SLC25A21: variants seen among roughly 807,000 people sequenced by gnomAD.
SLC25A21 encodes solute carrier family 25 member 21, also known as mitochondrial 2-oxodicarboxylate carrier.
SLC25A21 carries 47 observed loss-of-function variants against 43.8 expected under a neutral mutation model. The ratio of observed to expected loss-of-function variants is 1.07; its 90% CI spans 0.85 to 1.37. SLC25A21 has a LOEUF of 1.37. Ranked by LOEUF, SLC25A21 falls within the 40% of genes most tolerant of loss-of-function variation. SLC25A21 has a pLI of 0.00. For missense variants in SLC25A21, 352 were observed against 350.2 expected (o/e 1.00, Z -0.04); for synonymous variants, 131 against 121.3 (o/e 1.08, Z -0.52).
At position 36,789,855 on chromosome 14, in the gene SLC25A21, AT is replaced by A. The variant is rs1198374013; in HGVS notation, c.203+24062del. 4.3e-5 allele frequency among the ~76,000 whole-genome samples: 5 copies of A among 115,500 alleles called. 1 individual carries two copies. The highest frequency in any genetic ancestry group is 1.7e-4 in the African/African-American group (5 of 29,432). 75.8% of individuals were successfully genotyped at this position (115,500 alleles called of 152,430 possible). The stretch of plus-strand genomic sequence containing the variant: ...TATTTATATTTAATATATTTTATAT[AT>A]TTATATAAAAATATATTATATATTT... On this transcript the variant is annotated intron_variant, in intron 3 of 9. Coordinates refer to ENST00000331299, the MANE Select transcript of SLC25A21 (RefSeq NM_030631.4).
At chr14:37,143,021 C>A (rs747070948) in intron 1 of SLC25A21, among the ~76,000 whole-genome samples, 2 of 152,148 alleles carry the variant, frequency 1.3e-5, no homozygotes, top group East Asian at 3.9e-4. Context: ...ACAGAATAAC[C>A]ACAAACAAAA....
rs541520441 is a variant in SLC25A21, at chr14:37,133,790, G to A, written c.70+38491C>T. On this transcript the variant is annotated intron_variant, in intron 1 of 9. Coordinates refer to ENST00000331299, the MANE Select transcript of SLC25A21 (RefSeq NM_030631.4). ...TTCATGCTTCCGTTCCACTACAAGTGCTACTTCCTCTGCCTACATGTTCTT... is the reference window on the plus strand; with the variant it reads ...TTCATGCTTCCGTTCCACTACAAGTACTACTTCCTCTGCCTACATGTTCTT... Among the ~76,000 whole-genome samples, 47 of 152,210 alleles carry A rather than the reference G, an allele frequency of 3.1e-4. 1 individual carries two copies. Among genetic ancestry groups the A allele is most frequent in the African/African-American group, 1.1e-3 (44 of 41,528 alleles).
At chr14:36,852,019 T>A (rs1179719126) in intron 2 of SLC25A21, among the ~76,000 whole-genome samples, 1 of 152,202 alleles carries the variant, frequency 6.6e-6, no homozygotes, top group Non-Finnish European at 1.5e-5. Context: ...ACATTATTTT[T>A]AAAATAATAT....
chr14:36,944,229 C>T (rs775251208), intron 1 of SLC25A21, among the ~76,000 whole-genome samples: 5 of 152,052 alleles, frequency 3.3e-5, no homozygotes, highest in Admixed American at 3.3e-4. Flanking sequence ...AGCATACTGT[C>T]GGGCAAGGAC....
chr14:36,815,216 G>A (rs1289422301), intron 2 of SLC25A21, among the ~76,000 whole-genome samples: 1 of 152,134 alleles, frequency 6.6e-6, no homozygotes, highest in African/African-American at 2.4e-5. Context: ...AATAACTAAT[G>A]AATGTGGGGC....
At chr14:37,116,541 A>T (rs980434178) in intron 1 of SLC25A21, among the ~76,000 whole-genome samples, 16 of 152,178 alleles carry the variant, frequency 1.1e-4, no homozygotes, top group African/African-American at 3.6e-4. Flanking sequence ...CTCATTTTCA[A>T]AGTTTGTGAT....
intron 1 of SLC25A21, among the ~76,000 whole-genome samples, chr14:37,114,181 G>A (rs1004816916): frequency 6.6e-6 from 1 of 152,166 alleles, no homozygotes; most frequent in Admixed American, 6.6e-5. Context: ...CTCCGGGTTG[G>A]GTTTGCATTC....
chr14:37,123,311 AC>A (rs1267375704), intron 1 of SLC25A21, among the ~76,000 whole-genome samples: 1 of 152,210 alleles, frequency 6.6e-6, no homozygotes, highest in Admixed American at 6.5e-5. Context: ...GATTTCAGTC[AC>A]CAACAACTAA....
At chr14:36,776,692 C>A (rs1278202227) in intron 3 of SLC25A21, among the ~76,000 whole-genome samples, 1 of 152,112 alleles carries the variant, frequency 6.6e-6, no homozygotes, top group East Asian at 1.9e-4. Context: ...TTCCATTCTT[C>A]CAGGTGGTAT....
At chr14:36,936,440 T>A (rs1232044558) in intron 1 of SLC25A21, among the ~76,000 whole-genome samples, 1 of 152,046 alleles carries the variant, frequency 6.6e-6, no homozygotes, top group African/African-American at 2.4e-5. Context: ...GCTCCTGAAA[T>A]GATTACTACC....
chr14:37,000,691 C>G (rs1158485287), intron 1 of SLC25A21, among the ~76,000 whole-genome samples: 1 of 152,150 alleles, frequency 6.6e-6, no homozygotes, highest in Non-Finnish European at 1.5e-5. Context: ...AGGGGAGGGA[C>G]CTGGTGCGAG....
chr14:36,874,994 T>C lies in SLC25A21; in HGVS notation c.81A>G (p.Glu27=). 6.2e-7 allele frequency: 1 copy of C among 1,603,448 alleles called. No individual in the cohort carries two copies. Among genetic ancestry groups the C allele is most frequent in the Non-Finnish European group, 8.5e-7 (1 of 1,176,580 alleles). Reference sequence around the variant, plus strand: ...CATCTAGGGGGTGCATCAGGCAAATTTCTACAAGACCTGAAAGATGATAAA... The same window carrying C: ...CATCTAGGGGGTGCATCAGGCAAATCTCTACAAGACCTGAAAGATGATAAA... ...IVAGGSAGLV[E]ICLMHPLDVV... The change falls in exon 2 of 10, where the codon GAA becomes GAG. Residue 27 remains glutamate (E), a synonymous_variant. Transcript: ENST00000331299.
intron 2 of SLC25A21, among the ~76,000 whole-genome samples, chr14:36,845,563 G>A (rs1028344644): frequency 1.3e-5 from 2 of 152,186 alleles, no homozygotes; most frequent in Admixed American, 1.3e-4. Flanking sequence ...GAGGCACTGG[G>A]ATTTTCAGGA....
At chr14:36,712,718 C>T (rs1177959585) in intron 6 of SLC25A21, among the ~76,000 whole-genome samples, 1 of 152,070 alleles carries the variant, frequency 6.6e-6, no homozygotes, top group African/African-American at 2.4e-5. Flanking sequence ...CTTAAGAAAA[C>T]CCTCCTTTGT....
intron 1 of SLC25A21, among the ~76,000 whole-genome samples, chr14:37,145,350 T>G (rs186935630): frequency 6.6e-6 from 1 of 151,874 alleles, no homozygotes; most frequent in Non-Finnish European, 1.5e-5. Context: ...TCCTCATGCC[T>G]TAGTCTCAGG....
chr14:36,952,892 T>C (rs1892848347), intron 1 of SLC25A21, among the ~76,000 whole-genome samples: 1 of 152,174 alleles, frequency 6.6e-6, no homozygotes, highest in African/African-American at 2.4e-5. Context: ...TCAAGAAGAC[T>C]TCTCTCAAAT....
intron 6 of SLC25A21, among the ~76,000 whole-genome samples, chr14:36,714,581 G>A (rs1277644678): frequency 2.0e-5 from 3 of 152,222 alleles, no homozygotes; most frequent in Non-Finnish European, 4.4e-5. Context: ...GCTGGCAATG[G>A]AAAAGCACAT....
intron 1 of SLC25A21, among the ~76,000 whole-genome samples, chr14:36,929,369 T>G (rs1470301096): frequency 6.6e-6 from 1 of 152,216 alleles, no homozygotes; most frequent in Admixed American, 6.5e-5. Context: ...AGCCTTTTTA[T>G]AGAGATCCTC....
At chr14:36,777,930 G>C (rs905032963) in intron 3 of SLC25A21, among the ~76,000 whole-genome samples, 1 of 152,088 alleles carries the variant, frequency 6.6e-6, no homozygotes, top group South Asian at 2.1e-4. Context: ...TCCCAACCTA[G>C]CTATAACACT....
Sources: allele counts gnomAD v4.1 joint callset (sites outside exome capture counted in the v4.1 genomes callset), GRCh38; gene constraint gnomAD v4.1.1; transcripts MANE v1.5; gene names NCBI Gene and HGNC (gene_info 2026-07-23, HGNC 2026-07-21).